AARS1: variants seen among roughly 807,000 people sequenced by gnomAD.
The protein encoded by AARS1 is alanyl-tRNA synthetase 1.
In AARS1, 72 loss-of-function variants were observed where a neutral mutation model predicts 108.9. The ratio of observed to expected loss-of-function variants is 0.66; its 90% CI spans 0.55 to 0.80. The LOEUF (loss-of-function observed/expected upper bound fraction) is 0.80, where lower values mean the gene tolerates loss of function less well. Among genes scored for constraint, AARS1 ranks in the 30% least tolerant of loss-of-function variants. AARS1 has a pLI of 0.00. For synonymous variants in AARS1, 489 were observed against 465.7 expected (o/e 1.05, Z -0.64); for missense variants, 1,193 against 1,233.2 (o/e 0.97, Z 0.49).
intron 6 of AARS1, among the ~76,000 whole-genome samples, chr16:70,269,983 A>ATT (rs200415664): frequency 6.7e-6 from 1 of 149,240 alleles, no homozygotes; most frequent in Non-Finnish European, 1.5e-5. Context: ...TCACATTATT[A>ATT]TTTTTTTTTT....
Position 70,254,714 on chromosome 16 carries a change from G to C in AARS1, c.2307C>G (p.Ser769Arg). ...EAQKALRKAE[S>R]LKKCLSVMEA... ...CCATGACAGAGAGACATTTCTTCAA[G>C]CTCTCTGCTTTCCTGAGGGCCTGGG... The change falls in exon 17 of 21, where the codon AGC (serine) becomes AGG (arginine). Residue 769 changes from serine to arginine, a missense_variant. Ser to Arg is a moderately radical substitution (Grantham distance 110). Transcript: ENST00000261772. 6.2e-7 allele frequency: 1 copy of C among 1,613,654 alleles called. No individual in the cohort carries two copies. The highest frequency in any genetic ancestry group is 8.5e-7 in the Non-Finnish European group (1 of 1,179,586).
intron 2 of AARS1, among the ~76,000 whole-genome samples, chr16:70,280,264 T>G (rs1436393391): frequency 1.3e-5 from 2 of 152,094 alleles, no homozygotes; most frequent in African/African-American, 4.8e-5. Flanking sequence ...TTGCCCAGGC[T>G]GGAGTGCAGT....
At chr16:70,263,839 G>C (rs1351825715) in intron 11 of AARS1, among the ~76,000 whole-genome samples, 5 of 152,002 alleles carry the variant, frequency 3.3e-5, no homozygotes, top group Non-Finnish European at 7.4e-5. Flanking sequence ...GTTTCGCCAT[G>C]TTGCCCAGAC....
intron 16 of AARS1, 134 bp downstream of exon 16, chr16:70,255,594 C>T: frequency 1.3e-6 from 1 of 772,680 alleles, no homozygotes; most frequent in Non-Finnish European, 2.2e-6. Context: ...GACACTGGGG[C>T]AGGGGGAGTG....
At chr16:70,269,079 T>C (rs1391702201) in intron 7 of AARS1, among the ~76,000 whole-genome samples, 1 of 152,010 alleles carries the variant, frequency 6.6e-6, no homozygotes, top group African/African-American at 2.4e-5. Flanking sequence ...ATCCCAGCAC[T>C]GTGGGAGGCC....
chr16:70,263,005 C>T (rs1033675239), intron 11 of AARS1, among the ~76,000 whole-genome samples: 4 of 71,838 alleles, frequency 5.6e-5, no homozygotes, highest in African/African-American at 1.4e-4. Context: ...AAAACAACAA[C>T]AACAAAGGGC....
At chr16:70,274,510 G>T (rs1374857374) in intron 4 of AARS1, among the ~76,000 whole-genome samples, 2 of 151,720 alleles carry the variant, frequency 1.3e-5, no homozygotes, top group East Asian at 3.9e-4. Context: ...TGGATCACCA[G>T]GTCAGGAGTT....
intron 2 of AARS1, among the ~76,000 whole-genome samples, chr16:70,279,241 C>G (rs550125231): frequency 2.9e-4 from 43 of 146,574 alleles, no homozygotes; most frequent in African/African-American, 1.0e-3. Flanking sequence ...GTCCCAGCTA[C>G]TTGGGAGGCT....
chr16:70,281,934 A>G (rs1262028289), intron 2 of AARS1, among the ~76,000 whole-genome samples: 2 of 151,932 alleles, frequency 1.3e-5, no homozygotes. Context: ...GATGGATCAC[A>G]AGGTCAGGAG....
chr16:70,253,701 G>C lies in AARS1; in HGVS notation c.2607+13C>G. On this transcript the variant is annotated intron_variant, in intron 19 of 20. Transcript: ENST00000261772. ...ATGAGCCCTAGGGGAGGGGACCCTG[G>C]CCCCTGGGTTGCCTTGGCTGAGGCG... 6.2e-7 allele frequency: 1 copy of C among 1,612,824 alleles called. No homozygotes were observed. The highest frequency in any genetic ancestry group is 8.5e-7 in the Non-Finnish European group (1 of 1,179,816).
intron 2 of AARS1, among the ~76,000 whole-genome samples, chr16:70,282,101 C>T (rs1960710398): frequency 7.4e-6 from 1 of 135,958 alleles, no homozygotes; most frequent in African/African-American, 2.8e-5. Context: ...GCAGTGAGCA[C>T]AGATCACGCC....
chr16:70,289,447 C>T lies in AARS1; in HGVS notation c.-48G>A. ...TCTCCTAGGGTCGCCGTCCCCAGCT[C>T]CTCCCTCAGAGTCCCCCGCCAAGGG... On this transcript the variant is annotated 5_prime_UTR_variant, in exon 1 of 21. Transcript: ENST00000261772. 1 of 411,968 alleles carries T rather than the reference C, an allele frequency of 2.4e-6. No individual in the cohort carries two copies. Among genetic ancestry groups the T allele is most frequent in the Non-Finnish European group, 4.9e-6 (1 of 204,414 alleles). 25.5% of individuals were successfully genotyped at this position (411,968 alleles called of 1,614,324 possible).
chr16:70,262,962 G>A (rs1268898789), intron 11 of AARS1, among the ~76,000 whole-genome samples: 4 of 20,786 alleles, frequency 1.9e-4, no homozygotes, highest in Non-Finnish European at 2.8e-4. Context: ...AGCAAGACTC[G>A]GTCTCAAAAA....
intron 4 of AARS1, among the ~76,000 whole-genome samples, chr16:70,275,432 G>A (rs996846246): frequency 8.6e-5 from 13 of 151,270 alleles, no homozygotes; most frequent in South Asian, 2.1e-4. Context: ...TGGCTAACAC[G>A]GTGAAACCCA....
chr16:70,269,260 C>CG lies in AARS1; in HGVS notation c.962+357dup, dbSNP rs1473869847. ...GCTTGAACTCAGGAGGTGGAGGTTG[C>CG]GGTGAGCCAAGATCGGGCCATTGCA... On this transcript the variant is annotated intron_variant, in intron 7 of 20. Transcript: ENST00000261772. Among the ~76,000 whole-genome samples, 4 of 135,514 alleles carry CG rather than the reference C, an allele frequency of 3.0e-5. No individual in the cohort carries two copies. The Admixed American group carries it at 3.4e-4, about 12-fold the overall frequency. The allele number at this position is 135,514 out of a possible 152,430, so 88.9% of individuals were successfully genotyped here. A position where few individuals can be genotyped will look rare whatever the true frequency, so the allele number is the denominator to read the frequency against.
chr16:70,261,224 C>A, intron 12 of AARS1, 67 bp from the exon 13 acceptor site: 6 of 1,173,248 alleles, frequency 5.1e-6, no homozygotes, highest in South Asian at 1.3e-5. Flanking sequence ...CTTATATTTT[C>A]AATATAAACT....
chr16:70,258,342 A>T (rs1478476786), intron 14 of AARS1, 125 bp from the exon 15 acceptor site: 1 of 988,880 alleles, frequency 1.0e-6, no homozygotes, highest in South Asian at 1.4e-5. Flanking sequence ...AGCACGTGCC[A>T]TGAGCTTCCT....
intron 18 of AARS1, 50 bp from the exon 19 acceptor site, chr16:70,253,850 C>T (rs371962301): frequency 3.7e-6 from 6 of 1,614,072 alleles, no homozygotes; most frequent in Middle Eastern, 3.3e-4. Flanking sequence ...GCCCAGGCCC[C>T]GAACCCCTGG....
chr16:70,280,496 T>C (rs995499778), intron 2 of AARS1, among the ~76,000 whole-genome samples: 10 of 152,154 alleles, frequency 6.6e-5, no homozygotes, highest in African/African-American at 2.4e-4. Flanking sequence ...GTTAATATTA[T>C]AAGAGGCAGA....
Sources: allele counts gnomAD v4.1 joint callset (sites outside exome capture counted in the v4.1 genomes callset), GRCh38; gene constraint gnomAD v4.1.1; transcripts MANE v1.5; gene names NCBI Gene and HGNC (gene_info 2026-07-23, HGNC 2026-07-21).